PLCL1: variants seen among roughly 807,000 people sequenced by gnomAD.
PLCL1 encodes phospholipase C like 1 (inactive).
Under a neutral mutation model 84.4 loss-of-function variants are expected in PLCL1, and 41 were observed. The ratio of observed to expected loss-of-function variants is 0.49; its 90% CI spans 0.38 to 0.63. The LOEUF (loss-of-function observed/expected upper bound fraction) is 0.63, where lower values mean the gene tolerates loss of function less well. PLCL1 is among the 30% of genes least tolerant of loss of function. PLCL1 has a pLI of 0.00. For synonymous variants in PLCL1, 490 were observed against 488.3 expected, an observed-to-expected ratio of 1.00 and a Z score of -0.05; for missense variants, 1,206 against 1,367.8, an observed-to-expected ratio of 0.88 and a Z score of 1.87.
chr2:198,026,845 T>C (rs1559078579), intron 1 of PLCL1, among the ~76,000 whole-genome samples: 1 of 152,046 alleles, frequency 6.6e-6, no homozygotes, highest in South Asian at 2.1e-4. Context: ...GAATGGCTAA[T>C]ATAGAAAATA....
chr2:197,903,021 T>C (rs779223661), intron 1 of PLCL1, among the ~76,000 whole-genome samples: 3 of 152,292 alleles, frequency 2.0e-5, no homozygotes, highest in Non-Finnish European at 4.4e-5. Context: ...ACAAAACATT[T>C]ATGGAAAGTA....
At chr2:197,910,406 T>G (rs1047494392) in intron 1 of PLCL1, among the ~76,000 whole-genome samples, 4 of 152,212 alleles carry the variant, frequency 2.6e-5, no homozygotes, top group African/African-American at 7.2e-5. Flanking sequence ...AAATATTAGC[T>G]CACCTTCTCC....
intron 1 of PLCL1, among the ~76,000 whole-genome samples, chr2:198,040,188 C>T (rs995391601): frequency 5.3e-5 from 8 of 152,134 alleles, no homozygotes; most frequent in Admixed American, 1.3e-4. Flanking sequence ...TCAGCATAGA[C>T]GAGGAGTTGA....
chr2:198,094,283 G>T (rs1208825398), intron 3 of PLCL1, among the ~76,000 whole-genome samples: 2 of 152,090 alleles, frequency 1.3e-5, no homozygotes, highest in Non-Finnish European at 2.9e-5. Context: ...GGATGGTCTT[G>T]ATCTCCTGAC....
rs1346789220 is a variant in PLCL1 at position 198,038,880 on chromosome 2, A to AT, written c.241-44872dup. On this transcript the variant is annotated intron_variant, in intron 1 of 5. Transcript: ENST00000428675. The stretch of plus-strand genomic sequence containing the variant: ...AAAAAAGAAAAAAAGAGTTCACTCA[A>AT]TTTTTTATCTCGTGTTTTTTCACAA... 5.9e-5 allele frequency among the ~76,000 whole-genome samples: 9 copies of AT among 152,032 alleles called. 1 individual carries two copies. In the South Asian group the frequency reaches 1.2e-3, roughly 21 times the overall value.
intron 4 of PLCL1, 111 bp downstream of exon 4, chr2:198,101,471 G>A (rs1251514441): frequency 3.1e-6 from 2 of 635,164 alleles, no homozygotes; most frequent in Non-Finnish European, 5.5e-6. Flanking sequence ...TTAAAATGCA[G>A]TTATTTTATA....
At chr2:198,016,513 A>G (rs961633388) in intron 1 of PLCL1, among the ~76,000 whole-genome samples, 6 of 152,168 alleles carry the variant, frequency 3.9e-5, no homozygotes, top group African/African-American at 1.4e-4. Flanking sequence ...GGTCACAGGT[A>G]GTTCTGTATT....
intron 5 of PLCL1, among the ~76,000 whole-genome samples, chr2:198,122,336 A>C (rs1433304916): frequency 6.6e-6 from 1 of 152,084 alleles, no homozygotes; most frequent in Non-Finnish European, 1.5e-5. Flanking sequence ...AATCAAAGTG[A>C]CTGAACTTTA....
chr2:198,079,758 A>G (rs1464371675), intron 1 of PLCL1, among the ~76,000 whole-genome samples: 1 of 152,190 alleles, frequency 6.6e-6, no homozygotes, highest in Non-Finnish European at 1.5e-5. Context: ...ACTTATTTAA[A>G]TGTGATTCCT....
chr2:197,937,828 T>C (rs1310920070), intron 1 of PLCL1, among the ~76,000 whole-genome samples: 2 of 152,196 alleles, frequency 1.3e-5, no homozygotes, highest in Non-Finnish European at 2.9e-5. Flanking sequence ...GAGAAGGCTA[T>C]AAAATAAAAC....
chr2:198,101,443 A>G, intron 4 of PLCL1, 83 bp downstream of exon 4: 1 of 739,512 alleles, frequency 1.4e-6, no homozygotes, highest in Non-Finnish European at 2.2e-6. Flanking sequence ...TTTTTTTTTC[A>G]GAAACTTTCT....
intron 5 of PLCL1, among the ~76,000 whole-genome samples, chr2:198,139,296 G>A (rs1694329642): frequency 1.3e-5 from 2 of 152,166 alleles, no homozygotes; most frequent in African/African-American, 4.8e-5. Context: ...CTTAATTGAG[G>A]TTGTTTCTTT....
chr2:197,877,949 C>T (rs189691454), intron 1 of PLCL1, among the ~76,000 whole-genome samples: 12 of 152,122 alleles, frequency 7.9e-5, no homozygotes, highest in Non-Finnish European at 1.6e-4. Context: ...AGGTTCTCAA[C>T]AGTTAAGAAC....
chr2:198,079,442 C>G (rs980770653), intron 1 of PLCL1, among the ~76,000 whole-genome samples: 1 of 151,822 alleles, frequency 6.6e-6, no homozygotes, highest in African/African-American at 2.4e-5. Flanking sequence ...CCATTTTCCC[C>G]TTGTATTTTG....
chr2:197,956,791 G>C (rs1689504978), intron 1 of PLCL1, among the ~76,000 whole-genome samples: 3 of 151,382 alleles, frequency 2.0e-5, no homozygotes. Context: ...TTGTAAATTT[G>C]TTTAGTTCCT....
At chr2:198,033,532 C>G (rs1035181385) in intron 1 of PLCL1, among the ~76,000 whole-genome samples, 2 of 152,152 alleles carry the variant, frequency 1.3e-5, no homozygotes, top group Non-Finnish European at 2.9e-5. Flanking sequence ...ATGTAAACCT[C>G]TTGAGAACGG....
chr2:197,921,515 A>T (rs1285572091), intron 1 of PLCL1, among the ~76,000 whole-genome samples: 1 of 152,234 alleles, frequency 6.6e-6, no homozygotes, highest in Non-Finnish European at 1.5e-5. Context: ...TAGTTGAATT[A>T]AATAAATGGA....
chr2:198,146,683 T>C (rs1694524221), intron 5 of PLCL1, 97 bp from the exon 6 acceptor site: 2 of 978,860 alleles, frequency 2.0e-6, no homozygotes, highest in African/African-American at 3.3e-5. Flanking sequence ...TCTGTTTCCT[T>C]ATTCAGCAAT....
intron 1 of PLCL1, among the ~76,000 whole-genome samples, chr2:197,846,173 A>G (rs1013133071): frequency 1.3e-5 from 2 of 152,156 alleles, no homozygotes; most frequent in African/African-American, 4.8e-5. Context: ...GACTTTGTAT[A>G]GAAAATGAAG....
Sources: gnomAD v4.1 joint callset for allele counts (sites outside exome capture counted in the v4.1 genomes callset) on GRCh38, gnomAD v4.1.1 for gene constraint, MANE v1.5 for transcripts, NCBI Gene and HGNC (gene_info 2026-07-23, HGNC 2026-07-21) for gene names.